Variants in R3HDM1 observed in about 807,000 individuals in gnomAD.
R3HDM1 encodes the protein R3H domain-containing protein 1.
A neutral mutation model predicts 141.1 loss-of-function variants in R3HDM1; 46 were observed. The observed-to-expected ratio is 0.33, with a 90% CI of 0.26 to 0.42. The LOEUF (loss-of-function observed/expected upper bound fraction) is 0.42, where lower values mean the gene tolerates loss of function less well. R3HDM1 is among the 10% of genes least tolerant of loss of function. R3HDM1 has a pLI of 1.00. For missense variants in R3HDM1, 1,184 were observed against 1,368.3 expected, an observed-to-expected ratio of 0.87 and a Z score of 2.12; for synonymous variants, 435 against 472.9, an observed-to-expected ratio of 0.92 and a Z score of 1.04.
rs763629340 is a variant in R3HDM1 at position 135,639,105 on chromosome 2, G to A, written c.1202G>A (p.Gly401Asp). Residue 401 changes from glycine to aspartate, a missense_variant, in exon 14 of 27, where the codon GGC becomes GAC. Physicochemically the swap from Gly to Asp is moderately conservative, Grantham distance 94. Around this residue, in one of 5 missense-constraint regions of R3HDM1, gnomAD observed 240 missense variants for 312.3 expected, o/e 0.77. Transcript: ENST00000683871. ...AGTTCTGGAAGCAGCAAAAGCATAG[G>A]CAGGCTTTCAAAAACAGGTATAAAT... is the stretch of plus-strand genomic sequence containing the variant. ...GDSSGSSKSI[G>D]RLSKTGSESS... The A allele has an allele frequency of 5.0e-6, 8 of 1,613,930 alleles. No individual in the cohort carries two copies. The highest frequency in any genetic ancestry group is 6.8e-6 in the Non-Finnish European group (8 of 1,179,956).
At chr2:135,701,237 A>C (rs1022305073) in intron 21 of R3HDM1, among the ~76,000 whole-genome samples, 1 of 150,762 alleles carries the variant, frequency 6.6e-6, no homozygotes, top group Admixed American at 6.6e-5. Context: ...AAAAAAAAAA[A>C]AAAAAAACTA....
rs1378712360 is a variant in R3HDM1, at chr2:135,680,079, C to T, written c.2308-94C>T. On this transcript the variant is annotated intron_variant, in intron 20 of 26. Coordinates refer to ENST00000683871, the MANE Select transcript of R3HDM1 (RefSeq NM_001378107.1). ...TGGGCAACAGAGCAAGAATTCATCTCGAAAAAAATAAAGTTTATGGAGGTT... is the reference window on the plus strand; with the variant it reads ...TGGGCAACAGAGCAAGAATTCATCTTGAAAAAAATAAAGTTTATGGAGGTT... 4.6e-6 allele frequency: 6 copies of T among 1,306,684 alleles called. No individual in the cohort carries two copies. In the South Asian group the frequency reaches 5.5e-5, roughly 12 times the overall value. The allele number at this position is 1,306,684 out of a possible 1,614,324, so 80.9% of individuals were successfully genotyped here.
chr2:135,657,751 G>A (rs1190756908), intron 18 of R3HDM1, among the ~76,000 whole-genome samples: 1 of 152,154 alleles, frequency 6.6e-6, no homozygotes, highest in Admixed American at 6.5e-5. Context: ...TGTAATACTG[G>A]ATTAGGTATT....
chr2:135,711,208 C>T (rs1461707335), intron 23 of R3HDM1, among the ~76,000 whole-genome samples: 2 of 152,128 alleles, frequency 1.3e-5, no homozygotes, highest in Admixed American at 6.5e-5. Flanking sequence ...AACAAATTAC[C>T]TGATACCTGA....
At chr2:135,679,134 T>A (rs2069772976) in intron 20 of R3HDM1, among the ~76,000 whole-genome samples, 1 of 150,642 alleles carries the variant, frequency 6.6e-6, no homozygotes, top group Non-Finnish European at 1.5e-5. Context: ...TACATTGGCT[T>A]TATTTAACAA....
intron 3 of R3HDM1, among the ~76,000 whole-genome samples, chr2:135,609,386 T>G (rs143814069): frequency 6.6e-6 from 1 of 152,348 alleles, no homozygotes; most frequent in East Asian, 1.9e-4. Context: ...TGCATTAACG[T>G]CAGGAAGTTA....
At chr2:135,667,070 AT>A in intron 19 of R3HDM1, 4 of 890,048 alleles carry the variant, frequency 4.5e-6, no homozygotes, top group Non-Finnish European at 5.4e-6. Context: ...AATTTTTCTG[AT>A]TATTTCTGTG....
In R3HDM1 at chr2:135,645,466, C is replaced by G; in HGVS notation, c.1562C>G (p.Pro521Arg). 1.2e-6 allele frequency: 2 copies of G among 1,613,996 alleles called. No individual in the cohort carries two copies. The highest frequency in any genetic ancestry group is 2.2e-5 in the South Asian group (2 of 91,058). ...QQPVRSQVPG[P>R]PQPPLPAPPQ... The stretch of plus-strand genomic sequence containing the variant: ...CCAGTTAGATCCCAAGTGCCTGGAC[C>G]TCCACAGCCACCTCTGCCAGCCCCA... Residue 521 changes from proline to arginine, a missense_variant, in exon 16 of 27, where the codon CCT becomes CGT. Physicochemically the swap from Pro to Arg is moderately radical, Grantham distance 103 (BLOSUM62 -2). Coordinates refer to ENST00000683871, the MANE Select transcript of R3HDM1 (RefSeq NM_001378107.1).
intron 21 of R3HDM1, among the ~76,000 whole-genome samples, chr2:135,707,675 A>C (rs950365626): frequency 1.3e-5 from 2 of 152,234 alleles, no homozygotes; most frequent in Non-Finnish European, 2.9e-5. Context: ...AGCTGTTCAC[A>C]TGGGTTAGAA....
chr2:135,645,215 G>C, intron 15 of R3HDM1, 164 bp from the exon 16 acceptor site: 1 of 591,238 alleles, frequency 1.7e-6, no homozygotes, highest in South Asian at 2.4e-5. Context: ...CCTCATGTCA[G>C]AGCAGGCATT....
intron 19 of R3HDM1, among the ~76,000 whole-genome samples, chr2:135,673,625 C>G (rs1357741618): frequency 6.6e-6 from 1 of 152,158 alleles, no homozygotes; most frequent in Non-Finnish European, 1.5e-5. Context: ...GTTTAGAAAA[C>G]AGCATATTAT....
intron 18 of R3HDM1, among the ~76,000 whole-genome samples, chr2:135,659,893 T>C (rs2066469513): frequency 6.6e-6 from 1 of 152,262 alleles, no homozygotes. Flanking sequence ...GTGAGTGATG[T>C]ATTGTGCTAT....
intron 1 of R3HDM1, among the ~76,000 whole-genome samples, chr2:135,573,034 G>A (rs533177676): frequency 6.6e-6 from 1 of 152,172 alleles, no homozygotes; most frequent in Admixed American, 6.5e-5. Flanking sequence ...GCTAAAGAGG[G>A]CAGTTGCTCT....
intron 17 of R3HDM1, chr2:135,650,933 T>C (rs1279218809): frequency 1.0e-6 from 1 of 985,334 alleles, no homozygotes; most frequent in African/African-American, 1.7e-5. Context: ...CTGTGGTTTC[T>C]TGGGAACAGG....
rs79460982 is a variant in R3HDM1 at position 135,626,208 on chromosome 2, C to T, written c.497+3476C>T. On this transcript the variant is annotated intron_variant, in intron 7 of 26. Coordinates refer to ENST00000683871, the MANE Select transcript of R3HDM1 (RefSeq NM_001378107.1). ...GCGTGCGTGCGTGCGTGCGTGCGTG[C>T]GTGCTTGCTTGCTTGCTTGCTTGCT... Among the ~76,000 whole-genome samples the T allele has an allele frequency of 6.0e-3, 621 of 103,662 alleles. 4 individuals are homozygous for T. The highest frequency in any genetic ancestry group is 0.028 in the African/African-American group (552 of 19,632). The allele number at this position is 103,662 out of a possible 152,430, so 68.0% of individuals were successfully genotyped here. A position where few individuals can be genotyped will look rare whatever the true frequency, so the allele number is the denominator to read the frequency against.
At chr2:135,659,567 A>G (rs1227037141) in intron 18 of R3HDM1, among the ~76,000 whole-genome samples, 2 of 151,860 alleles carry the variant, frequency 1.3e-5, no homozygotes, top group African/African-American at 4.8e-5. Context: ...CCCTGAGTAT[A>G]CAGGACTACA....
chr2:135,618,692 C>A (rs1000344149), intron 5 of R3HDM1, among the ~76,000 whole-genome samples: 6 of 151,872 alleles, frequency 4.0e-5, no homozygotes, highest in African/African-American at 1.2e-4. Context: ...TGAAAAAAAA[C>A]CAATAAAATT....
intron 20 of R3HDM1, among the ~76,000 whole-genome samples, chr2:135,678,757 C>CTTT (rs397738151): frequency 1.2e-5 from 1 of 84,180 alleles, no homozygotes; most frequent in Non-Finnish European, 2.3e-5. Flanking sequence ...TACTGGCTTG[C>CTTT]TTTTTTTTTT....
chr2:135,674,931 AGTT>A (rs2068923570), intron 19 of R3HDM1, among the ~76,000 whole-genome samples: 1 of 149,380 alleles, frequency 6.7e-6, no homozygotes, highest in Non-Finnish European at 1.5e-5. Flanking sequence ...AATTCTTAAT[AGTT>A]GTTGTTTTTT....
Sources: allele counts gnomAD v4.1 joint callset (sites outside exome capture counted in the v4.1 genomes callset), GRCh38; gene constraint gnomAD v4.1.1; regional missense constraint gnomAD v4.1.1; transcripts MANE v1.5; gene names NCBI Gene and HGNC (gene_info 2026-07-23, HGNC 2026-07-21).